The following CSMD1 variants were observed in gnomAD, a reference collection of about 807,000 sequenced individuals.
CSMD1 encodes the protein CUB and sushi domain-containing protein 1.
In CSMD1, 213 loss-of-function variants were observed where a neutral mutation model predicts 417.5. The observed-to-expected ratio is 0.51, with a 90% CI of 0.46 to 0.57. The LOEUF (loss-of-function observed/expected upper bound fraction) is 0.57. Ranked by LOEUF, CSMD1 falls within the 20% of genes least tolerant of loss-of-function variation. CSMD1 has a pLI of 0.00. For synonymous variants in CSMD1, 2,862 were observed against 1,736.8 expected, an observed-to-expected ratio of 1.65 and a Z score of -16.11; for missense variants, 6,923 against 4,529.7, an observed-to-expected ratio of 1.53 and a Z score of -15.17.
intron 12 of CSMD1, among the ~76,000 whole-genome samples, chr8:3,421,807 C>T (rs1353825419): frequency 3.9e-5 from 6 of 152,100 alleles, no homozygotes; most frequent in Non-Finnish European, 8.8e-5. Context: ...CCAGGTAATT[C>T]TTGTATTTTT....
At chr8:3,592,895 T>C (rs544256221) in intron 8 of CSMD1, among the ~76,000 whole-genome samples, 1 of 152,094 alleles carries the variant, frequency 6.6e-6, no homozygotes, top group South Asian at 2.1e-4. Flanking sequence ...TTCTCCACTA[T>C]AAGAAATAAA....
chr8:3,248,651 C>T (rs1192749504), intron 26 of CSMD1, among the ~76,000 whole-genome samples: 3 of 144,414 alleles, frequency 2.1e-5, no homozygotes, highest in East Asian at 2.1e-4. Flanking sequence ...TCTTTTTACT[C>T]ATGTCAGCAA....
intron 1 of CSMD1, among the ~76,000 whole-genome samples, chr8:4,915,208 A>G (rs549790906): frequency 3.3e-5 from 5 of 151,424 alleles, no homozygotes; most frequent in African/African-American, 9.7e-5. Flanking sequence ...ATACCTGTGT[A>G]TTTATACATA....
chr8:4,528,768 A>G (rs746212079), intron 2 of CSMD1, among the ~76,000 whole-genome samples: 16 of 136,866 alleles, frequency 1.2e-4, no homozygotes, highest in East Asian at 6.3e-4. Context: ...GAATTTTCAC[A>G]TAAGAGCTCA....
rs772660409 is a variant in CSMD1, at chr8:3,087,205, G to A, written c.7366C>T (p.His2456Tyr). Residue 2456 changes from histidine (H) to tyrosine (Y), a missense_variant, in exon 49 of 70, where the codon CAT becomes TAT. Physicochemically the swap from His to Tyr is moderately conservative, Grantham distance 83 (BLOSUM62 2). Transcript: ENST00000635120. ...RTAGAVGSKVHYFCKPGYRMV... is the reference protein window; with the variant it reads ...RTAGAVGSKVYYFCKPGYRMV... ...CGGTATCCAGGCTTGCAAAAATAATGCACTTTGCTTCCAACCGCTCCTGCA... is the reference window on the plus strand; with the variant it reads ...CGGTATCCAGGCTTGCAAAAATAATACACTTTGCTTCCAACCGCTCCTGCA... The A allele has an allele frequency of 2.5e-6, 4 of 1,613,820 alleles. No homozygotes were observed. Among genetic ancestry groups the A allele is most frequent in the East Asian group, 2.2e-5 (1 of 44,892 alleles).
At chr8:3,322,737 G>A (rs1381527963) in intron 23 of CSMD1, among the ~76,000 whole-genome samples, 2 of 152,176 alleles carry the variant, frequency 1.3e-5, no homozygotes, top group African/African-American at 2.4e-5. Context: ...TGCCCATCCA[G>A]GGCATATCAC....
At chr8:3,515,748 C>T (rs952879547) in intron 10 of CSMD1, among the ~76,000 whole-genome samples, 1 of 152,124 alleles carries the variant, frequency 6.6e-6, no homozygotes, top group Non-Finnish European at 1.5e-5. Flanking sequence ...GTATGCCTTC[C>T]CCATTGACTT....
chr8:3,557,388 G>A (rs973574404), intron 10 of CSMD1, among the ~76,000 whole-genome samples: 3 of 152,068 alleles, frequency 2.0e-5, no homozygotes, highest in Admixed American at 6.5e-5. Context: ...TCATTTATTC[G>A]TGACCATTTA....
intron 1 of CSMD1, among the ~76,000 whole-genome samples, chr8:4,862,288 G>C (rs1318670022): frequency 6.6e-6 from 1 of 152,052 alleles, no homozygotes; most frequent in Non-Finnish European, 1.5e-5. Context: ...GTAAGTGAGA[G>C]TATCAATGTC....
chr8:3,030,686 C>T (rs611787), intron 50 of CSMD1, among the ~76,000 whole-genome samples: 6,447 of 151,926 alleles, frequency 0.042, 472 homozygotes, highest in African/African-American at 0.15. Flanking sequence ...GGTTTCACCA[C>T]GTGGGCCAGG....
intron 11 of CSMD1, among the ~76,000 whole-genome samples, chr8:3,480,171 C>T (rs971512258): frequency 6.6e-6 from 1 of 151,876 alleles, no homozygotes; most frequent in African/African-American, 2.4e-5. Flanking sequence ...CCAGCCTGGG[C>T]AACACGGTGA....
intron 6 of CSMD1, among the ~76,000 whole-genome samples, chr8:3,720,260 A>G (rs568853120): frequency 1.6e-4 from 24 of 152,172 alleles, no homozygotes; most frequent in Non-Finnish European, 3.2e-4. Flanking sequence ...AGAAATTGGC[A>G]CATCTTACCA....
intron 2 of CSMD1, among the ~76,000 whole-genome samples, chr8:4,557,853 T>G (rs1798165813): frequency 6.6e-6 from 1 of 152,204 alleles, no homozygotes; most frequent in Non-Finnish European, 1.5e-5. Flanking sequence ...AGAGTCACAC[T>G]CTTTTTATAA....
At chr8:3,843,422 T>C (rs979857807) in intron 5 of CSMD1, among the ~76,000 whole-genome samples, 2 of 152,140 alleles carry the variant, frequency 1.3e-5, no homozygotes, top group Admixed American at 6.6e-5. Flanking sequence ...TCAAAGTTGG[T>C]TTCAGAGTAA....
intron 2 of CSMD1, among the ~76,000 whole-genome samples, chr8:4,444,909 C>T (rs950460722): frequency 1.3e-5 from 2 of 152,280 alleles, no homozygotes; most frequent in South Asian, 4.1e-4. Context: ...TTGTCCAGGT[C>T]TTACATATTT....
chr8:4,018,218 T>G (rs1796615730), intron 4 of CSMD1, among the ~76,000 whole-genome samples: 1 of 152,254 alleles, frequency 6.6e-6, no homozygotes, highest in South Asian at 2.1e-4. Flanking sequence ...TCCAGAATTA[T>G]ATTTTCAGGA....
chr8:4,479,182 C>T (rs994746788), intron 2 of CSMD1, among the ~76,000 whole-genome samples: 2 of 152,180 alleles, frequency 1.3e-5, no homozygotes, highest in Non-Finnish European at 2.9e-5. Context: ...AATGGGTCCA[C>T]AACCTTGAAA....
intron 5 of CSMD1, among the ~76,000 whole-genome samples, chr8:3,921,229 T>C (rs1023455566): frequency 6.6e-6 from 1 of 152,150 alleles, no homozygotes. Context: ...TTTTACAGTA[T>C]TGTATTTATA....
chr8:4,537,157 G>A (rs1180616643), intron 2 of CSMD1, among the ~76,000 whole-genome samples: 1 of 152,062 alleles, frequency 6.6e-6, no homozygotes. Flanking sequence ...GGGTCCTCTT[G>A]TACTTTTCTG....
Sources: gnomAD v4.1 joint callset for allele counts (sites outside exome capture counted in the v4.1 genomes callset) on GRCh38, gnomAD v4.1.1 for gene constraint, MANE v1.5 for transcripts, NCBI Gene and HGNC (gene_info 2026-07-23, HGNC 2026-07-21) for gene names.